PPP4R2: variants seen among roughly 807,000 people sequenced by gnomAD.
PPP4R2 encodes the protein serine/threonine-protein phosphatase 4 regulatory subunit 2.
In PPP4R2, 13 loss-of-function variants were observed where a neutral mutation model predicts 47.2. The observed-to-expected ratio is 0.28, with a 90% confidence interval of 0.18 to 0.44. PPP4R2 has a LOEUF of 0.44. Ranked by LOEUF, PPP4R2 falls within the 20% of genes least tolerant of loss-of-function variation. The pLI is 1.00. For missense variants in PPP4R2, 421 were observed against 491.2 expected, an observed-to-expected ratio of 0.86 and a Z score of 1.35; for synonymous variants, 151 against 163.3, an observed-to-expected ratio of 0.92 and a Z score of 0.57.
At chr3:73,040,186 A>C (rs1702348007) in intron 2 of PPP4R2, among the ~76,000 whole-genome samples, 1 of 152,184 alleles carries the variant, frequency 6.6e-6, no homozygotes, top group South Asian at 2.1e-4. Context: ...TTTCACTAGC[A>C]ATGAAGGAAA....
Position 73,064,978 on chromosome 3 carries a change from A to G in PPP4R2, c.765A>G (p.Glu255=), listed in dbSNP as rs759473276. The G allele has an allele frequency of 1.2e-6, 2 of 1,613,922 alleles. No individual in the cohort carries two copies. The highest frequency in any genetic ancestry group is 1.7e-6 in the Non-Finnish European group (2 of 1,179,830). Residue 255 remains glutamate, a synonymous_variant, in exon 8 of 9, where the codon GAA becomes GAG. Coordinates refer to ENST00000356692, the MANE Select transcript of PPP4R2 (RefSeq NM_174907.4). ...GACTCAGGTTTGACAAAGAAGGTGA[A>G]GTCAGAGAAACAGCCAGTCAAACGA... ...VKRLRFDKEG[E]VRETASQTTS... is the part of the protein sequence containing the mutation.
intron 2 of PPP4R2, among the ~76,000 whole-genome samples, chr3:73,026,441 T>C (rs1702064330): frequency 6.6e-6 from 1 of 152,194 alleles, no homozygotes; most frequent in Non-Finnish European, 1.5e-5. Context: ...GAATTAGATG[T>C]GACTCAGCCC....
intron 2 of PPP4R2, chr3:73,014,807 G>T: frequency 7.6e-6 from 3 of 396,566 alleles, no homozygotes; most frequent in Non-Finnish European, 8.9e-6. Context: ...TTGGAGATTT[G>T]AAAGTGATAA....
intron 2 of PPP4R2, among the ~76,000 whole-genome samples, chr3:73,024,886 GA>G (rs1206755935): frequency 6.6e-6 from 1 of 152,152 alleles, no homozygotes; most frequent in Non-Finnish European, 1.5e-5. Context: ...GAAGGATATT[GA>G]AATAACACTT....
intron 2 of PPP4R2, among the ~76,000 whole-genome samples, chr3:73,043,218 A>G (rs936386127): frequency 7.9e-5 from 12 of 152,244 alleles, no homozygotes; most frequent in African/African-American, 2.9e-4. Flanking sequence ...GGAGAGTCTC[A>G]TAAAATTTAA....
intron 8 of PPP4R2, 116 bp downstream of exon 8, chr3:73,065,257 C>A: frequency 7.6e-7 from 1 of 1,307,190 alleles, no homozygotes; most frequent in East Asian, 2.5e-5. Flanking sequence ...TGATGTTGGG[C>A]TTTTCTCCCA....
At chr3:73,032,582 C>T (rs1702186981) in intron 2 of PPP4R2, among the ~76,000 whole-genome samples, 1 of 152,196 alleles carries the variant, frequency 6.6e-6, no homozygotes, top group African/African-American at 2.4e-5. Flanking sequence ...CCACCGTGCC[C>T]AGCCTACCTT....
At chr3:73,035,254 G>A (rs1427935616) in intron 2 of PPP4R2, among the ~76,000 whole-genome samples, 1 of 152,100 alleles carries the variant, frequency 6.6e-6, no homozygotes, top group Non-Finnish European at 1.5e-5. Context: ...AAAAAGACAA[G>A]CCAGGCATGG....
intron 2 of PPP4R2, among the ~76,000 whole-genome samples, chr3:73,029,597 T>C (rs1229496534): frequency 1.3e-5 from 2 of 152,150 alleles, no homozygotes; most frequent in Non-Finnish European, 2.9e-5. Flanking sequence ...GAGCAATATG[T>C]GGGAAAGATC....
chr3:73,049,644 C>T (rs1245798379), intron 3 of PPP4R2, among the ~76,000 whole-genome samples: 1 of 151,836 alleles, frequency 6.6e-6, no homozygotes, highest in Admixed American at 6.6e-5. Context: ...TCAAATTATA[C>T]TGCTGCTTTG....
At chr3:73,030,048 GCA>G (rs1187818442) in intron 2 of PPP4R2, among the ~76,000 whole-genome samples, 1 of 152,144 alleles carries the variant, frequency 6.6e-6, no homozygotes, top group Non-Finnish European at 1.5e-5. Context: ...TTATTACAAA[GCA>G]CAGCAAATTT....
At position 73,018,409 on chromosome 3, in the gene PPP4R2, T is replaced by TTATGTTA. The variant is rs141530528; in HGVS notation, c.116+20253_116+20259dup. On this transcript the variant is annotated intron_variant, in intron 2 of 8. Coordinates refer to ENST00000356692, the MANE Select transcript of PPP4R2 (RefSeq NM_174907.4). ...AGGGATGACTCTGCTGTCATAGTCGTTATGTTATGTTATGTTATGTTATGT... is the reference window on the plus strand; with the variant it reads ...AGGGATGACTCTGCTGTCATAGTCGTTATGTTATATGTTATGTTATGTTATGTTATGT... Among the ~76,000 whole-genome samples the TTATGTTA allele has an allele frequency of 4.2e-4, 33 of 78,560 alleles. 1 individual carries two copies. Among genetic ancestry groups the TTATGTTA allele is most frequent in the African/African-American group, 1.7e-3 (32 of 18,934 alleles). The allele number at this position is 78,560 out of a possible 152,430, so 51.5% of individuals were successfully genotyped here. A position where few individuals can be genotyped will look rare whatever the true frequency, so the allele number is the denominator to read the frequency against.
chr3:73,029,211 G>A (rs1702124675), intron 2 of PPP4R2, among the ~76,000 whole-genome samples: 1 of 152,208 alleles, frequency 6.6e-6, no homozygotes, highest in Non-Finnish European at 1.5e-5. Context: ...AAAGTGTTGG[G>A]ATTACAGGCG....
At chr3:73,059,720 C>CGG (rs951432074) in intron 4 of PPP4R2, among the ~76,000 whole-genome samples, 14 of 151,662 alleles carry the variant, frequency 9.2e-5, no homozygotes, top group African/African-American at 3.4e-4. Flanking sequence ...GGGTGGATCA[C>CGG]GGTCAGGAGT....
At chr3:72,997,925 T>G in intron 1 of PPP4R2, 152 bp from the exon 2 acceptor site, 1 of 647,796 alleles carries the variant, frequency 1.5e-6, no homozygotes. Context: ...AAGTAGAACT[T>G]GGAGGATTGA....
At chr3:73,008,647 A>G (rs960999916) in intron 2 of PPP4R2, among the ~76,000 whole-genome samples, 1 of 152,170 alleles carries the variant, frequency 6.6e-6, no homozygotes, top group East Asian at 1.9e-4. Flanking sequence ...TTGTTTCCTC[A>G]CTTAAAAAAA....
At chr3:73,042,532 T>G (rs1324389193) in intron 2 of PPP4R2, among the ~76,000 whole-genome samples, 1 of 151,806 alleles carries the variant, frequency 6.6e-6, no homozygotes, top group African/African-American at 2.4e-5. Context: ...ACCCAGCTAA[T>G]TTTTGTATTT....
In PPP4R2 at chr3:73,063,130, G is replaced by T. The variant is rs1240448809; in HGVS notation, c.420-543G>T. The T allele has an allele frequency of 7.7e-6, 4 of 517,142 alleles. No homozygotes were observed. In the Admixed American group the frequency reaches 1.2e-4, roughly 15 times the overall value. The allele number at this position is 517,142 out of a possible 1,614,324, so 32.0% of individuals were successfully genotyped here. A position where few individuals can be genotyped will look rare whatever the true frequency, so the allele number is the denominator to read the frequency against. ...ACGAATGTTCCCAAACTTAGCAACA[G>T]CGGCAAACTACTGGGCCAAGATGAG... On this transcript the variant is annotated intron_variant, in intron 5 of 8. Transcript: ENST00000356692.
At chr3:73,063,400 G>T (rs189541689) in intron 5 of PPP4R2, 34 of 275,182 alleles carry the variant, frequency 1.2e-4, no homozygotes, top group South Asian at 1.1e-4. Flanking sequence ...GAGGTGGGCC[G>T]ATCACTTGAG....
Sources: allele counts gnomAD v4.1 joint callset (sites outside exome capture counted in the v4.1 genomes callset), GRCh38; gene constraint gnomAD v4.1.1; transcripts MANE v1.5; gene names NCBI Gene and HGNC (gene_info 2026-07-23, HGNC 2026-07-21).